Variants in KAZN observed in about 807,000 individuals in gnomAD.
KAZN encodes kazrin, periplakin interacting protein.
KAZN carries 40 observed loss-of-function variants against 87.4 expected under a neutral mutation model. The observed-to-expected ratio is 0.46, with a 90% CI of 0.36 to 0.60. KAZN has a LOEUF of 0.60. Ranked by LOEUF, KAZN falls within the 20% of genes least tolerant of loss-of-function variation. The pLI is 0.00. For synonymous variants in KAZN, 466 were observed against 458.3 expected (o/e 1.02, Z -0.22); for missense variants, 898 against 1,073.9 (o/e 0.84, Z 2.29).
intron 2 of KAZN, among the ~76,000 whole-genome samples, chr1:14,503,338 G>A (rs1366301351): frequency 2.6e-5 from 4 of 151,382 alleles, no homozygotes; most frequent in African/African-American, 7.3e-5. Flanking sequence ...CAAAAAATTA[G>A]CCGGGCGTGG....
intron 2 of KAZN, among the ~76,000 whole-genome samples, chr1:15,027,422 G>T (rs2102203914): frequency 6.6e-6 from 1 of 152,254 alleles, no homozygotes; most frequent in South Asian, 2.1e-4. Context: ...CCTAAGAGTT[G>T]GGAGACCTCA....
chr1:14,036,163 A>C (rs1467112292), intron 1 of KAZN, among the ~76,000 whole-genome samples: 2 of 152,220 alleles, frequency 1.3e-5, no homozygotes, highest in African/African-American at 2.4e-5. Context: ...AACAGGCTGG[A>C]GTTTCTCATG....
intron 2 of KAZN, among the ~76,000 whole-genome samples, chr1:14,232,208 G>C (rs1044091127): frequency 6.6e-6 from 1 of 152,148 alleles, no homozygotes; most frequent in Non-Finnish European, 1.5e-5. Flanking sequence ...TCTTATTATA[G>C]TCAAAAGCAA....
intron 2 of KAZN, among the ~76,000 whole-genome samples, chr1:14,474,664 TTTGGGGAAATAATATGCCCC>T (rs1668624737): frequency 6.6e-6 from 1 of 152,170 alleles, no homozygotes; most frequent in Non-Finnish European, 1.5e-5. Context: ...AGAGCTTGAA[TTTGGGGAAATAATATGCCCC>T]TTGGTAGCTG....
chr1:14,309,414 G>A (rs1342405815), intron 2 of KAZN, among the ~76,000 whole-genome samples: 5 of 152,208 alleles, frequency 3.3e-5, no homozygotes, highest in African/African-American at 9.7e-5. Context: ...GGACCTCAGT[G>A]TCCAGCGTGA....
chr1:14,614,203 T>A (rs1212070731), intron 1 of KAZN, among the ~76,000 whole-genome samples: 1 of 152,234 alleles, frequency 6.6e-6, no homozygotes, highest in African/African-American at 2.4e-5. Flanking sequence ...GATAATGGCC[T>A]AATCTCTCCA....
intron 2 of KAZN, among the ~76,000 whole-genome samples, chr1:14,188,222 T>C (rs1357257846): frequency 7.1e-6 from 1 of 141,740 alleles, no homozygotes; most frequent in East Asian, 2.6e-4. Flanking sequence ...TGTGTGTGTG[T>C]GTGTGTGTGT....
intron 2 of KAZN, among the ~76,000 whole-genome samples, chr1:14,212,872 C>T (rs969948590): frequency 2.0e-5 from 3 of 152,272 alleles, no homozygotes; most frequent in East Asian, 3.9e-4. Context: ...TTATGCAATG[C>T]AAATACATGA....
At position 14,731,131 on chromosome 1, in the gene KAZN, T is replaced by C. The variant is rs146634290; in HGVS notation, c.226+131908T>C. Among the ~76,000 whole-genome samples the C allele has an allele frequency of 2.9e-3, 443 of 152,340 alleles. 1 individual carries two copies. Among genetic ancestry groups the C allele is most frequent in the African/African-American group, 9.9e-3 (410 of 41,568 alleles). On this transcript the variant is annotated intron_variant, in intron 1 of 14. Coordinates refer to ENST00000376030, the MANE Select transcript of KAZN (RefSeq NM_201628.3). ...GCTCTGGAGAACTGCATCATTAGCA[T>C]TGATAAACATTTTACAATACCATCA...
intron 1 of KAZN, among the ~76,000 whole-genome samples, chr1:14,063,709 A>G (rs1390546264): frequency 1.3e-5 from 2 of 152,210 alleles, no homozygotes; most frequent in Non-Finnish European, 2.9e-5. Flanking sequence ...TGGAATTATA[A>G]TAATCCCCAT....
At chr1:13,918,268 A>G (rs1639934560) in intron 1 of KAZN, among the ~76,000 whole-genome samples, 1 of 152,256 alleles carries the variant, frequency 6.6e-6, no homozygotes, top group South Asian at 2.1e-4. Context: ...AAATATCAGC[A>G]TTAACGGGAG....
intron 2 of KAZN, among the ~76,000 whole-genome samples, chr1:14,204,101 A>G (rs1012548691): frequency 6.6e-6 from 1 of 152,232 alleles, no homozygotes; most frequent in Non-Finnish European, 1.5e-5. Flanking sequence ...AGGAAAAGAG[A>G]TTGGAAGTAG....
chr1:14,218,621 G>A lies in KAZN; in HGVS notation c.249+38029G>A, dbSNP rs577682824. ...TATGTTCAGTAAGGATAATATTTTC[G>A]GTGAACTGAAGCTCAATAAATATGT... On this transcript the variant is annotated intron_variant, in intron 2 of 16. Transcript: ENST00000636203. Among the ~76,000 whole-genome samples, 10 of 152,090 alleles carry A rather than the reference G, an allele frequency of 6.6e-5. No individual in the cohort carries two copies. The East Asian group carries it at 9.6e-4, about 15-fold the overall frequency.
intron 2 of KAZN, among the ~76,000 whole-genome samples, chr1:14,312,797 C>T (rs1038475886): frequency 1.3e-5 from 2 of 151,968 alleles, no homozygotes; most frequent in Non-Finnish European, 1.5e-5. Flanking sequence ...GAGAGGCCCA[C>T]GTGACAAGGA....
intron 4 of KAZN, among the ~76,000 whole-genome samples, chr1:15,048,600 G>A (rs956329634): frequency 5.2e-5 from 7 of 134,336 alleles, no homozygotes; most frequent in Non-Finnish European, 8.9e-5. Flanking sequence ...CTGGGTCGTC[G>A]GTCCTGGGTC....
chr1:14,924,311 G>C, intron 1 of KAZN: 2 of 985,694 alleles, frequency 2.0e-6, no homozygotes, highest in South Asian at 9.1e-5. Flanking sequence ...AGCCCGGCGC[G>C]CGCCGTCGGA....
chr1:15,052,593 T>G (rs1177662693), intron 4 of KAZN, among the ~76,000 whole-genome samples: 1 of 151,888 alleles, frequency 6.6e-6, no homozygotes, highest in Non-Finnish European at 1.5e-5. Flanking sequence ...TGTGTGTGCA[T>G]GTGTGTATGT....
chr1:14,930,062 G>A (rs1353581303), intron 1 of KAZN: 5 of 985,450 alleles, frequency 5.1e-6, no homozygotes, highest in African/African-American at 1.7e-5. Flanking sequence ...AGTGCTGGCC[G>A]CTGTCCCAGC....
At chr1:14,367,015 A>T (rs1660056541) in intron 2 of KAZN, among the ~76,000 whole-genome samples, 1 of 152,190 alleles carries the variant, frequency 6.6e-6, no homozygotes, top group Non-Finnish European at 1.5e-5. Context: ...GCAGATCACG[A>T]GGTCAGGAGT....
Sources: allele counts gnomAD v4.1 joint callset (sites outside exome capture counted in the v4.1 genomes callset), GRCh38; gene constraint gnomAD v4.1.1; transcripts MANE v1.5; gene names NCBI Gene and HGNC (gene_info 2026-07-23, HGNC 2026-07-21).